GINM1: variants seen among roughly 807,000 people sequenced by gnomAD.
The protein encoded by GINM1 is glycosylated integral membrane protein 1.
Under a neutral mutation model 37.8 loss-of-function variants are expected in GINM1, and 29 were observed. The observed-to-expected ratio is 0.77, with a 90% CI of 0.57 to 1.05. The LOEUF is 1.05. Ranked by LOEUF, GINM1 falls within the 50% of genes least tolerant of loss-of-function variation. The pLI is 0.00. For synonymous variants in GINM1, 143 were observed against 146.2 expected, an observed-to-expected ratio of 0.98 and a Z score of 0.16; for missense variants, 377 against 397.9, an observed-to-expected ratio of 0.95 and a Z score of 0.45.
intron 1 of GINM1, among the ~76,000 whole-genome samples, chr6:149,569,350 T>A (rs1453416796): frequency 6.7e-6 from 1 of 149,482 alleles, no homozygotes; most frequent in Non-Finnish European, 1.5e-5. Context: ...TTTTTTTTTT[T>A]TTTTGACGTG....
intron 1 of GINM1, among the ~76,000 whole-genome samples, chr6:149,569,693 A>G (rs1777780365): frequency 6.6e-6 from 1 of 152,204 alleles, no homozygotes; most frequent in Non-Finnish European, 1.5e-5. Context: ...CTTGGTCACC[A>G]AAGAGAGGCA....
At chr6:149,574,253 A>G (rs1486951194) in intron 3 of GINM1, among the ~76,000 whole-genome samples, 3 of 151,770 alleles carry the variant, frequency 2.0e-5, no homozygotes, top group East Asian at 3.9e-4. Flanking sequence ...GTTTCACCAT[A>G]TTGGTCAAGG....
intron 3 of GINM1, among the ~76,000 whole-genome samples, chr6:149,573,384 A>C (rs890998043): frequency 6.6e-6 from 1 of 152,168 alleles, no homozygotes; most frequent in East Asian, 1.9e-4. Flanking sequence ...AGCTATAATC[A>C]TGCCACTGCA....
At chr6:149,589,867 C>T (rs1029705250) in intron 7 of GINM1, among the ~76,000 whole-genome samples, 2 of 152,000 alleles carry the variant, frequency 1.3e-5, no homozygotes, top group African/African-American at 2.4e-5. Flanking sequence ...GGCACGATCT[C>T]GGCTCACTGC....
intron 7 of GINM1, among the ~76,000 whole-genome samples, chr6:149,590,491 C>T (rs998645713): frequency 6.6e-6 from 1 of 152,294 alleles, no homozygotes; most frequent in Admixed American, 6.5e-5. Context: ...TTACCCTATT[C>T]TTCCCTAAAA....
At chr6:149,579,729 G>A in intron 4 of GINM1, 105 bp from the exon 5 acceptor site, 1 of 640,354 alleles carries the variant, frequency 1.6e-6, no homozygotes, top group East Asian at 2.9e-5. Context: ...GTCTGAATAG[G>A]ACACATGTTT....
chr6:149,587,891 C>T (rs1778097136), intron 7 of GINM1, among the ~76,000 whole-genome samples: 1 of 152,182 alleles, frequency 6.6e-6, no homozygotes, highest in African/African-American at 2.4e-5. Context: ...GATCCCCCAG[C>T]CATCAGTCAT....
At chr6:149,588,798 G>T (rs887058498) in intron 7 of GINM1, among the ~76,000 whole-genome samples, 4 of 148,756 alleles carry the variant, frequency 2.7e-5, no homozygotes, top group African/African-American at 7.4e-5. Flanking sequence ...TGGCTAATTT[G>T]TTGTTGTTGT....
chr6:149,588,938 G>T (rs1937605713), intron 7 of GINM1, among the ~76,000 whole-genome samples: 1 of 152,078 alleles, frequency 6.6e-6, no homozygotes, highest in African/African-American at 2.4e-5. Flanking sequence ...TGAATAGCTT[G>T]AGATTACAGG....
intron 7 of GINM1, among the ~76,000 whole-genome samples, chr6:149,586,929 G>A (rs1778078807): frequency 6.6e-6 from 1 of 151,980 alleles, no homozygotes; most frequent in Non-Finnish European, 1.5e-5. Context: ...GGACTAAGGT[G>A]TGTGTCACCA....
chr6:149,580,823 T>C (rs145549864), intron 6 of GINM1, 100 bp downstream of exon 6: 244 of 1,002,766 alleles, frequency 2.4e-4, no homozygotes, highest in East Asian at 1.7e-3. Flanking sequence ...AGAATGGAAC[T>C]GTAGAGCATT....
chr6:149,570,136 TTATATA>T lies in GINM1; in HGVS notation c.121-2092_121-2087del, dbSNP rs549791771. The stretch of plus-strand genomic sequence containing the variant: ...ACTCTGTAATTTTACTAGGTAGGTT[TTATATA>T]TATATATATATATATATATATATAT... On this transcript the variant is annotated intron_variant, in intron 1 of 7. Coordinates refer to ENST00000367419, the MANE Select transcript of GINM1 (RefSeq NM_138785.5). Among the ~76,000 whole-genome samples, 54 of 45,756 alleles carry T rather than the reference TTATATA, an allele frequency of 1.2e-3. 1 individual carries two copies. Among genetic ancestry groups the T allele is most frequent in the Middle Eastern group, 8.9e-3 (1 of 112 alleles). 30.0% of individuals were successfully genotyped at this position (45,756 alleles called of 152,430 possible). A position where few individuals can be genotyped will look rare whatever the true frequency, so the allele number is the denominator to read the frequency against.
chr6:149,581,162 A>G (rs1328648490), intron 6 of GINM1, among the ~76,000 whole-genome samples: 1 of 151,980 alleles, frequency 6.6e-6, no homozygotes, highest in Non-Finnish European at 1.5e-5. Flanking sequence ...GATCTTGAAC[A>G]AATTTTTTCT....
intron 3 of GINM1, chr6:149,578,213 C>G (rs886201728): frequency 6.6e-6 from 1 of 152,086 alleles, no homozygotes; most frequent in Non-Finnish European, 1.5e-5. Flanking sequence ...TCCTCATGGC[C>G]AACCTGTATA....
At chr6:149,585,146 G>T (rs935606396) in intron 7 of GINM1, among the ~76,000 whole-genome samples, 2 of 152,086 alleles carry the variant, frequency 1.3e-5, no homozygotes, top group Non-Finnish European at 2.9e-5. Context: ...CATAGAAAAC[G>T]GTGTTGTAAT....
At chr6:149,585,803 A>T (rs1778062509) in intron 7 of GINM1, among the ~76,000 whole-genome samples, 1 of 152,138 alleles carries the variant, frequency 6.6e-6, no homozygotes, top group Non-Finnish European at 1.5e-5. Flanking sequence ...TGTGTTAGCC[A>T]GGATGGTCTT....
chr6:149,581,589 G>A (rs1261296770), intron 6 of GINM1, among the ~76,000 whole-genome samples: 1 of 152,182 alleles, frequency 6.6e-6, no homozygotes, highest in East Asian at 1.9e-4. Flanking sequence ...TCATGAAGTT[G>A]TTACAAGGAT....
intron 3 of GINM1, among the ~76,000 whole-genome samples, chr6:149,576,723 A>G (rs915420897): frequency 6.6e-6 from 1 of 152,224 alleles, no homozygotes; most frequent in Non-Finnish European, 1.5e-5. Context: ...AGGGTCATTG[A>G]GGGGCATTTT....
chr6:149,588,950 G>A (rs1454659304), intron 7 of GINM1, among the ~76,000 whole-genome samples: 4 of 151,874 alleles, frequency 2.6e-5, no homozygotes, highest in African/African-American at 4.8e-5. Context: ...GATTACAGGC[G>A]CCCGCCACCA....
Sources: gnomAD v4.1 joint callset for allele counts (sites outside exome capture counted in the v4.1 genomes callset) on GRCh38, gnomAD v4.1.1 for gene constraint, MANE v1.5 for transcripts, NCBI Gene and HGNC (gene_info 2026-07-23, HGNC 2026-07-21) for gene names.